SAMD3: variants seen among roughly 807,000 people sequenced by gnomAD.
SAMD3 encodes the protein sterile alpha motif domain containing 3, also known as sterile alpha motif domain-containing protein 3.
In SAMD3, 63 loss-of-function variants were observed where a neutral mutation model predicts 58.5. That is an observed-to-expected ratio of 1.08 (90% CI 0.88 to 1.33). The LOEUF (loss-of-function observed/expected upper bound fraction) is 1.33, where lower values mean the gene tolerates loss of function less well. SAMD3 is among the 40% of genes most tolerant of loss of function. The probability of loss-of-function intolerance (pLI) is 0.00; values close to 1 mark genes in which losing one functional copy is unlikely to be tolerated. For synonymous variants in SAMD3, 220 were observed against 210.3 expected (o/e 1.05, Z -0.40); for missense variants, 604 against 608.4 (o/e 0.99, Z 0.08).
intron 8 of SAMD3, 87 bp downstream of exon 8, chr6:130,175,754 T>A: frequency 1.1e-6 from 1 of 884,980 alleles, no homozygotes; most frequent in Non-Finnish European, 1.7e-6. Flanking sequence ...TATTTTGTTT[T>A]AATTATTTTA....
intron 2 of SAMD3, among the ~76,000 whole-genome samples, chr6:130,246,229 T>C (rs1161361007): frequency 6.6e-6 from 1 of 152,222 alleles, no homozygotes; most frequent in Non-Finnish European, 1.5e-5. Flanking sequence ...TAAATATATG[T>C]ACCTTGTTTT....
At chr6:130,328,772 G>A (rs768568106) in intron 1 of SAMD3, among the ~76,000 whole-genome samples, 38 of 152,322 alleles carry the variant, frequency 2.5e-4, no homozygotes, top group South Asian at 8.3e-4. Context: ...CAGTTTGCTG[G>A]AACTCTCTAT....
rs190907334 is a variant in SAMD3, at chr6:130,360,864, A to T, written c.-304+4256T>A. 4.8e-3 allele frequency among the ~76,000 whole-genome samples: 738 copies of T among 152,306 alleles called. 2 individuals carry two copies. The highest frequency in any genetic ancestry group is 7.9e-3 in the Non-Finnish European group (537 of 68,026). ...CATATTCTCTTTCTCAGGGATGTTC[A>T]TTGCTGAGAAAATAATTCAGCAATA... On this transcript the variant is annotated intron_variant, in intron 1 of 13. Coordinates refer to the SAMD3 transcript ENST00000368134.
chr6:130,195,509 C>T (rs1311143551), intron 5 of SAMD3, among the ~76,000 whole-genome samples: 1 of 152,150 alleles, frequency 6.6e-6, no homozygotes, highest in Non-Finnish European at 1.5e-5. Context: ...TTTGCCTATC[C>T]ACCCCATGGT....
rs34174182 is a variant in SAMD3 at position 130,179,605 on chromosome 6, CAA to C, written c.655-3599_655-3598del. Reference sequence around the variant, plus strand: ...AAAGGGTATGGAGAGACTGTCTAGGCAAAAAAAAAAAAAAAATTAAAGAGACA... The same window carrying C: ...AAAGGGTATGGAGAGACTGTCTAGGCAAAAAAAAAAAAAATTAAAGAGACA... On this transcript the variant is annotated intron_variant, in intron 7 of 11. Coordinates refer to ENST00000439090, the MANE Select transcript of SAMD3 (RefSeq NM_001017373.4). 4.5e-3 allele frequency among the ~76,000 whole-genome samples: 546 copies of C among 121,282 alleles called. 5 individuals carry two copies. The highest frequency in any genetic ancestry group is 0.012 in the African/African-American group (361 of 30,878). The allele number at this position is 121,282 out of a possible 152,430, so 79.6% of individuals were successfully genotyped here. A position where few individuals can be genotyped will look rare whatever the true frequency, so the allele number is the denominator to read the frequency against.
intron 2 of SAMD3, among the ~76,000 whole-genome samples, chr6:130,266,228 C>T (rs142817831): frequency 0.013 from 1,993 of 152,250 alleles, 43 homozygotes; most frequent in African/African-American, 0.041. Flanking sequence ...GTGCCAGTAC[C>T]AGAAATTCCA....
chr6:130,229,369 G>C (rs1208688636), intron 2 of SAMD3, among the ~76,000 whole-genome samples: 1 of 152,192 alleles, frequency 6.6e-6, no homozygotes, highest in Non-Finnish European at 1.5e-5. Context: ...ACAGCCCTAG[G>C]AAGTAAGAGT....
intron 2 of SAMD3, among the ~76,000 whole-genome samples, chr6:130,239,560 T>A (rs1036170433): frequency 1.3e-5 from 2 of 152,156 alleles, no homozygotes. Context: ...ATCTAAGAAG[T>A]ATGAAGTCCA....
chr6:130,159,282 A>G (rs1318240265), intron 8 of SAMD3, among the ~76,000 whole-genome samples: 1 of 152,142 alleles, frequency 6.6e-6, no homozygotes. Context: ...TCCACAGAAG[A>G]TGTGACTTTC....
At chr6:130,336,607 C>T (rs1243593062) in intron 1 of SAMD3, among the ~76,000 whole-genome samples, 1 of 152,196 alleles carries the variant, frequency 6.6e-6, no homozygotes, top group Non-Finnish European at 1.5e-5. Flanking sequence ...TGAGTAATGG[C>T]AGAGTGCCTG....
At chr6:130,255,885 T>G (rs754140976) in intron 2 of SAMD3, among the ~76,000 whole-genome samples, 2 of 152,002 alleles carry the variant, frequency 1.3e-5, no homozygotes, top group Non-Finnish European at 2.9e-5. Context: ...TCAGTCATTT[T>G]ATGTCTCTTT....
intron 2 of SAMD3, among the ~76,000 whole-genome samples, chr6:130,304,255 C>T (rs1376714493): frequency 2.0e-5 from 3 of 152,056 alleles, no homozygotes; most frequent in Admixed American, 6.6e-5. Flanking sequence ...CTGCAACCTC[C>T]GCCTCTTGGG....
chr6:130,208,935 C>T (rs188430736), intron 5 of SAMD3, among the ~76,000 whole-genome samples: 1 of 152,262 alleles, frequency 6.6e-6, no homozygotes, highest in African/African-American at 2.4e-5. Flanking sequence ...ATGACCATCT[C>T]AGCACCAAAT....
chr6:130,199,150 C>T (rs1011444344), intron 5 of SAMD3, among the ~76,000 whole-genome samples: 1 of 152,218 alleles, frequency 6.6e-6, no homozygotes, highest in East Asian at 1.9e-4. Context: ...GTCTTCACAT[C>T]TCAAGTGCCA....
intron 5 of SAMD3, among the ~76,000 whole-genome samples, chr6:130,185,171 A>G (rs1314616429): frequency 1.3e-5 from 2 of 152,204 alleles, no homozygotes; most frequent in Non-Finnish European, 2.9e-5. Flanking sequence ...TTCTATCCAG[A>G]TGAAATTTCT....
intron 2 of SAMD3, among the ~76,000 whole-genome samples, chr6:130,291,771 T>A (rs1248046971): frequency 1.3e-5 from 2 of 152,260 alleles, no homozygotes; most frequent in East Asian, 1.9e-4. Context: ...GTATATTTAA[T>A]AATTTCCCAA....
At chr6:130,256,529 T>A (rs890562966) in intron 2 of SAMD3, among the ~76,000 whole-genome samples, 10 of 152,120 alleles carry the variant, frequency 6.6e-5, no homozygotes, top group African/African-American at 2.4e-4. Flanking sequence ...TTGGAAGCAA[T>A]TTTTTTTCTT....
chr6:130,231,813 T>G (rs6569670), intron 2 of SAMD3, among the ~76,000 whole-genome samples: 74,685 of 151,278 alleles, frequency 0.49, 22,277 homozygotes, highest in African/African-American at 0.84. Flanking sequence ...TTATAGTTTG[T>G]TTTTTTTTCC....
At chr6:130,232,671 C>G (rs953253062) in intron 2 of SAMD3, among the ~76,000 whole-genome samples, 7 of 152,084 alleles carry the variant, frequency 4.6e-5, no homozygotes, top group Non-Finnish European at 8.8e-5. Flanking sequence ...AACCCTAAAC[C>G]TCCTTTTCCT....
Sources: allele counts gnomAD v4.1 joint callset (sites outside exome capture counted in the v4.1 genomes callset), GRCh38; gene constraint gnomAD v4.1.1; transcripts MANE v1.5; gene names NCBI Gene and HGNC (gene_info 2026-07-23, HGNC 2026-07-21).